FHIP1A: variants seen among roughly 807,000 people sequenced by gnomAD.
FHIP1A encodes the protein FHF complex subunit HOOK-interacting protein 1A.
FHIP1A carries 61 observed loss-of-function variants against 88.6 expected under a neutral mutation model. That is an observed-to-expected ratio of 0.69 (90% CI 0.56 to 0.85). FHIP1A has a LOEUF of 0.85. Ranked by LOEUF, FHIP1A falls within the 40% of genes least tolerant of loss-of-function variation. The probability of loss-of-function intolerance (pLI) is 0.00; values close to 1 mark genes in which losing one functional copy is unlikely to be tolerated. For missense variants in FHIP1A, 1,154 were observed against 1,273.5 expected, an observed-to-expected ratio of 0.91 and a Z score of 1.43; for synonymous variants, 478 against 496.0, an observed-to-expected ratio of 0.96 and a Z score of 0.48.
At chr4:151,585,450 A>C (rs537956759) in intron 5 of FHIP1A, among the ~76,000 whole-genome samples, 2 of 152,246 alleles carry the variant, frequency 1.3e-5, no homozygotes, top group East Asian at 1.9e-4. Flanking sequence ...AAATGCTGGG[A>C]TTACAGGCAT....
At position 151,539,142 on chromosome 4, in the gene FHIP1A, C is replaced by A. The variant is rs371169574; in HGVS notation, c.-122-26996C>A. Reference sequence around the variant, plus strand: ...AAAACGATGACTCTGTAGCACTTCTCCCCCAAAGGATGTGGCAGAAAGCCA... The same window carrying A: ...AAAACGATGACTCTGTAGCACTTCTACCCCAAAGGATGTGGCAGAAAGCCA... On this transcript the variant is annotated intron_variant, in intron 3 of 13. Transcript: ENST00000435205. Among the ~76,000 whole-genome samples, 45 of 152,310 alleles carry A rather than the reference C, an allele frequency of 3.0e-4. 1 individual carries two copies. In the East Asian group the frequency reaches 5.8e-3, roughly 20 times the overall value.
intron 8 of FHIP1A, among the ~76,000 whole-genome samples, chr4:151,633,624 T>C (rs1311025117): frequency 6.6e-6 from 1 of 151,916 alleles, no homozygotes; most frequent in Non-Finnish European, 1.5e-5. Context: ...GTGTGACTTA[T>C]TCCTAGAATG....
intron 3 of FHIP1A, among the ~76,000 whole-genome samples, chr4:151,528,493 A>G (rs1370390701): frequency 6.6e-6 from 1 of 152,222 alleles, no homozygotes; most frequent in Non-Finnish European, 1.5e-5. Flanking sequence ...AATAAAATAA[A>G]TGATACATGG....
intron 3 of FHIP1A, among the ~76,000 whole-genome samples, chr4:151,489,233 T>C (rs1374054271): frequency 1.3e-5 from 2 of 152,118 alleles, no homozygotes; most frequent in African/African-American, 4.8e-5. Context: ...TTTAGGGAGC[T>C]GAGTGAAATA....
chr4:151,424,498 TG>T (rs1733291670), intron 1 of FHIP1A, among the ~76,000 whole-genome samples: 1 of 152,090 alleles, frequency 6.6e-6, no homozygotes, highest in Non-Finnish European at 1.5e-5. Context: ...TTTGTGTTAG[TG>T]AAGTAGGATA....
intron 4 of FHIP1A, among the ~76,000 whole-genome samples, chr4:151,572,910 A>G (rs147146216): frequency 1.3e-5 from 2 of 152,346 alleles, no homozygotes; most frequent in Non-Finnish European, 2.9e-5. Flanking sequence ...CTGACATACA[A>G]TTAAGTGATT....
At chr4:151,487,234 A>G (rs1730120530) in intron 3 of FHIP1A, among the ~76,000 whole-genome samples, 1 of 152,050 alleles carries the variant, frequency 6.6e-6, no homozygotes, top group Non-Finnish European at 1.5e-5. Context: ...CCTCATCTCA[A>G]TGTCATTCAT....
Position 151,668,311 on chromosome 4 carries a change from G to T in FHIP1A, c.*5557G>T, listed in dbSNP as rs907179985. 1.3e-5 allele frequency among the ~76,000 whole-genome samples: 2 copies of T among 152,088 alleles called. No individual in the cohort carries two copies. The highest frequency in any genetic ancestry group is 2.9e-5 in the Non-Finnish European group (2 of 68,018). ...TGGAAACTATGCAACTAAATTCAAT[G>T]GAAATGAAAGATACAATATAAAATA... On this transcript the variant is annotated 3_prime_UTR_variant, in exon 14 of 14. Transcript: ENST00000435205.
At chr4:151,643,851 G>C (rs1736688697) in intron 9 of FHIP1A, among the ~76,000 whole-genome samples, 1 of 152,164 alleles carries the variant, frequency 6.6e-6, no homozygotes, top group Non-Finnish European at 1.5e-5. Context: ...TTATTCAGAA[G>C]AAAATTTTTA....
At chr4:151,444,816 TTTAA>T (rs1236167353) in intron 1 of FHIP1A, among the ~76,000 whole-genome samples, 1 of 152,204 alleles carries the variant, frequency 6.6e-6, no homozygotes, top group Admixed American at 6.5e-5. Flanking sequence ...TATACTACAA[TTTAA>T]TTATCTTTTT....
chr4:151,631,983 C>G (rs1419305768), intron 8 of FHIP1A, among the ~76,000 whole-genome samples: 1 of 152,014 alleles, frequency 6.6e-6, no homozygotes, highest in Non-Finnish European at 1.5e-5. Context: ...ATTAAACACT[C>G]CAGTCAAAAG....
intron 1 of FHIP1A, among the ~76,000 whole-genome samples, chr4:151,428,679 A>G (rs183750014): frequency 5.3e-5 from 8 of 152,242 alleles, no homozygotes; most frequent in African/African-American, 9.6e-5. Flanking sequence ...AGGCTCCCCA[A>G]CTGTCTTTCC....
chr4:151,561,632 G>T (rs1458099712), intron 3 of FHIP1A, among the ~76,000 whole-genome samples: 1 of 152,060 alleles, frequency 6.6e-6, no homozygotes, highest in African/African-American at 2.4e-5. Flanking sequence ...TACATGATAA[G>T]CACATTTACA....
intron 8 of FHIP1A, among the ~76,000 whole-genome samples, chr4:151,633,062 C>G (rs1473093987): frequency 6.6e-6 from 1 of 151,550 alleles, no homozygotes; most frequent in Non-Finnish European, 1.5e-5. Flanking sequence ...ATTGATTGAC[C>G]ATTAGCTGGA....
intron 4 of FHIP1A, among the ~76,000 whole-genome samples, chr4:151,568,396 T>G (rs895907642): frequency 1.3e-5 from 2 of 152,246 alleles, no homozygotes; most frequent in Admixed American, 6.5e-5. Context: ...CAGGTGTTTT[T>G]AACCTTTTTT....
At chr4:151,644,359 T>C (rs987841623) in intron 9 of FHIP1A, among the ~76,000 whole-genome samples, 2 of 152,044 alleles carry the variant, frequency 1.3e-5, no homozygotes, top group African/African-American at 4.8e-5. Context: ...TTTATCTGTT[T>C]TTGTTTTTTA....
rs548377208 is a variant in FHIP1A at position 151,558,780 on chromosome 4, C to G, written c.-122-7358C>G. Among the ~76,000 whole-genome samples the G allele has an allele frequency of 7.2e-5, 11 of 152,264 alleles. No homozygotes were observed. The South Asian group carries it at 2.3e-3, about 32-fold the overall frequency. On this transcript the variant is annotated intron_variant, in intron 3 of 13. Coordinates refer to ENST00000435205, the MANE Select transcript of FHIP1A (RefSeq NM_001109977.3). The stretch of plus-strand genomic sequence containing the variant: ...TGGGGAACCCTAGGGTCCCTCAGAC[C>G]ACATTTGGGGAACCACTGATCTAGA...
intron 10 of FHIP1A, among the ~76,000 whole-genome samples, chr4:151,647,580 G>A (rs181536524): frequency 6.6e-6 from 1 of 152,302 alleles, no homozygotes; most frequent in Non-Finnish European, 1.5e-5. Context: ...ATGTCAGTAT[G>A]TTTGATATTA....
Position 151,586,808 on chromosome 4 carries a change from G to C in FHIP1A, c.891+9G>C. ...GCAATGCAGTCATACAGGTACCAGA[G>C]CACAATAAAGGATCCCTTTGCTATG... On this transcript the variant is annotated intron_variant, in intron 6 of 13. Transcript: ENST00000435205. The C allele has an allele frequency of 6.5e-7, 1 of 1,532,478 alleles. No homozygotes were observed. The highest frequency in any genetic ancestry group is 2.0e-5 in the Admixed American group (1 of 50,730). 94.9% of individuals were successfully genotyped at this position (1,532,478 alleles called of 1,614,324 possible).
Sources: gnomAD v4.1 joint callset for allele counts (sites outside exome capture counted in the v4.1 genomes callset) on GRCh38, gnomAD v4.1.1 for gene constraint, MANE v1.5 for transcripts, NCBI Gene and HGNC (gene_info 2026-07-23, HGNC 2026-07-21) for gene names.